Variants in LY86 observed in about 807,000 individuals in gnomAD.
LY86 encodes the protein lymphocyte antigen 86.
In LY86, 20 loss-of-function variants were observed where a neutral mutation model predicts 17.3. The observed-to-expected ratio is 1.15, with a 90% CI of 0.81 to 1.68. LY86 has a LOEUF of 1.68. LY86 is among the 40% of genes most tolerant of loss of function. The probability of loss-of-function intolerance (pLI) is 0.00; values close to 1 mark genes in which losing one functional copy is unlikely to be tolerated. For synonymous variants in LY86, 74 were observed against 70.6 expected, an observed-to-expected ratio of 1.05 and a Z score of -0.24; for missense variants, 200 against 191.9, an observed-to-expected ratio of 1.04 and a Z score of -0.25.
intron 1 of LY86, among the ~76,000 whole-genome samples, chr6:6,623,543 C>T (rs181167370): frequency 1.3e-5 from 2 of 152,210 alleles, no homozygotes; most frequent in East Asian, 1.9e-4. Flanking sequence ...ACATGATTAC[C>T]GAGAGCCCAG....
chr6:6,644,718 T>C (rs1339985793), intron 3 of LY86, among the ~76,000 whole-genome samples: 2 of 152,102 alleles, frequency 1.3e-5, no homozygotes, highest in African/African-American at 4.8e-5. Flanking sequence ...ATTTCTTTAA[T>C]CCACTGCACA....
In LY86 at chr6:6,654,862, A is replaced by C; in HGVS notation, c.*235A>C. On this transcript the variant is annotated 3_prime_UTR_variant, in exon 5 of 5. Coordinates refer to ENST00000230568, the MANE Select transcript of LY86 (RefSeq NM_004271.4). ...TCTAAGGAGCCTCTTGGCAGTCCTT[A>C]AGCAGTCTTGAGGGTCCATCCTTTT... 1 of 516,606 alleles carries C rather than the reference A, an allele frequency of 1.9e-6. No individual in the cohort carries two copies. The highest frequency in any genetic ancestry group is 2.8e-5 in the South Asian group (1 of 35,222). 32.0% of individuals were successfully genotyped at this position (516,606 alleles called of 1,614,324 possible).
At position 6,625,187 on chromosome 6, in the gene LY86, A is replaced by T. The variant is rs2233125; in HGVS notation, c.223+175A>T. On this transcript the variant is annotated intron_variant, in intron 2 of 4. Coordinates refer to ENST00000230568, the MANE Select transcript of LY86 (RefSeq NM_004271.4). ...TCAAATCTTTCTCTGGGTTATATTCAGGTAGGGTAGAACTCTCACTTAAAG... is the reference window on the plus strand; with the variant it reads ...TCAAATCTTTCTCTGGGTTATATTCTGGTAGGGTAGAACTCTCACTTAAAG... Among the ~76,000 whole-genome samples the T allele has an allele frequency of 8.5e-3, 1,293 of 152,300 alleles. 6 individuals are homozygous for T. Among genetic ancestry groups the T allele is most frequent in the Non-Finnish European group, 0.013 (913 of 68,014 alleles).
Position 6,626,301 on chromosome 6 carries a change from A to G in LY86, c.232A>G (p.Ile78Val), listed in dbSNP as rs780576702. 1 of 1,613,924 alleles carries G rather than the reference A, an allele frequency of 6.2e-7. No homozygotes were observed. The highest frequency in any genetic ancestry group is 8.5e-7 in the Non-Finnish European group (1 of 1,179,994). The change falls in exon 3 of 5, where the codon ATC (isoleucine) becomes GTC (valine). Residue 78 changes from isoleucine (I) to valine (V), a missense_variant. By Grantham distance (29) the Ile-to-Val change is conservative. Transcript: ENST00000230568. ...TCTTCTCTTTCCTCCAGGAGAGGAC[A>G]TCAAAGAGCTTTTTCTTGACCTAGC... ...IRFGIILREDIKELFLDLALM... is the reference protein window; with the variant it reads ...IRFGIILREDVKELFLDLALM...
chr6:6,610,298 T>C (rs1187634455), intron 1 of LY86, among the ~76,000 whole-genome samples: 1 of 152,202 alleles, frequency 6.6e-6, no homozygotes, highest in Non-Finnish European at 1.5e-5. Context: ...TTTGTGTAGC[T>C]TCCTATGTCT....
intron 3 of LY86, among the ~76,000 whole-genome samples, chr6:6,639,310 G>A (rs556617224): frequency 6.6e-6 from 1 of 151,760 alleles, no homozygotes; most frequent in Admixed American, 6.5e-5. Flanking sequence ...GGCCCTTTGT[G>A]GTGAGCACAA....
intron 1 of LY86, among the ~76,000 whole-genome samples, 175 bp downstream of exon 1, chr6:6,589,045 G>T (rs565589647): frequency 6.6e-6 from 1 of 152,180 alleles, no homozygotes; most frequent in Non-Finnish European, 1.5e-5. Context: ...AAGAAGGAGC[G>T]GTGGGGCCAG....
At chr6:6,608,008 G>T (rs1373039457) in intron 1 of LY86, among the ~76,000 whole-genome samples, 5 of 152,222 alleles carry the variant, frequency 3.3e-5, no homozygotes, top group African/African-American at 1.2e-4. Context: ...TTAAAAGTTA[G>T]CTGTCTGCTC....
chr6:6,602,110 A>G (rs577916234), intron 1 of LY86, among the ~76,000 whole-genome samples: 1 of 152,324 alleles, frequency 6.6e-6, no homozygotes, highest in Non-Finnish European at 1.5e-5. Flanking sequence ...TCCAGGAAAC[A>G]TCCTTCAGTT....
At chr6:6,599,531 A>G (rs956229023) in intron 1 of LY86, among the ~76,000 whole-genome samples, 8 of 149,602 alleles carry the variant, frequency 5.3e-5, no homozygotes, top group East Asian at 1.9e-4. Flanking sequence ...TGTGAGGCTG[A>G]CTGACTGGTT....
At chr6:6,609,647 A>G (rs988313684) in intron 1 of LY86, among the ~76,000 whole-genome samples, 1 of 152,196 alleles carries the variant, frequency 6.6e-6, no homozygotes, top group Non-Finnish European at 1.5e-5. Context: ...AGCTCTGCCA[A>G]CAGGATTGCT....
intron 3 of LY86, among the ~76,000 whole-genome samples, chr6:6,631,473 T>C (rs1761898703): frequency 6.6e-6 from 1 of 152,194 alleles, no homozygotes; most frequent in Non-Finnish European, 1.5e-5. Context: ...AACAAAATTA[T>C]AGAAATCAAA....
intron 1 of LY86, among the ~76,000 whole-genome samples, chr6:6,612,393 C>T (rs1263056644): frequency 2.0e-5 from 3 of 152,166 alleles, no homozygotes; most frequent in African/African-American, 2.4e-5. Flanking sequence ...TTATTTTCCC[C>T]CAGTGGGTAC....
rs1581247682 is a variant in LY86 at position 6,626,474 on chromosome 6, C to T, written c.352+53C>T. ...GCAGGGGCCTGCAGAGAGATAAACTCGAACTTGCATCTGAGGCCAGGACGC... is the reference window on the plus strand; with the variant it reads ...GCAGGGGCCTGCAGAGAGATAAACTTGAACTTGCATCTGAGGCCAGGACGC... On this transcript the variant is annotated intron_variant, in intron 3 of 4. Coordinates refer to ENST00000230568, the MANE Select transcript of LY86 (RefSeq NM_004271.4). The T allele has an allele frequency of 8.1e-6, 13 of 1,602,084 alleles. No individual in the cohort carries two copies. The East Asian group carries it at 1.8e-4, about 22-fold the overall frequency.
chr6:6,648,866 CCCCTCCCCCACCACA>C (rs1241351822), intron 3 of LY86, among the ~76,000 whole-genome samples: 89 of 152,216 alleles, frequency 5.8e-4, no homozygotes, highest in Non-Finnish European at 9.6e-4. Flanking sequence ...TCCAGCCTGG[CCCCTCCCCCACCACA>C]CCCTCCTGCC....
chr6:6,614,179 C>A (rs1761487794), intron 1 of LY86, among the ~76,000 whole-genome samples: 1 of 152,122 alleles, frequency 6.6e-6, no homozygotes, highest in Non-Finnish European at 1.5e-5. Flanking sequence ...GCACGAAGCA[C>A]ACACAACGCA....
intron 1 of LY86, among the ~76,000 whole-genome samples, chr6:6,619,745 G>A (rs920221370): frequency 1.3e-5 from 2 of 152,208 alleles, no homozygotes; most frequent in Admixed American, 1.3e-4. Context: ...TGAATGTTAA[G>A]ATGTGTTTGA....
At chr6:6,647,435 C>T (rs377568110) in intron 3 of LY86, among the ~76,000 whole-genome samples, 8 of 152,030 alleles carry the variant, frequency 5.3e-5, no homozygotes, top group African/African-American at 1.9e-4. Flanking sequence ...TATAACAAAA[C>T]TCTTAATTCC....
Position 6,614,017 on chromosome 6 carries a change from C to T in LY86, c.137-10909C>T, listed in dbSNP as rs189103882. Among the ~76,000 whole-genome samples the T allele has an allele frequency of 2.8e-4, 42 of 152,358 alleles. 1 individual carries two copies. Among genetic ancestry groups the T allele is most frequent in the Admixed American group, 1.2e-3 (18 of 15,302 alleles). On this transcript the variant is annotated intron_variant, in intron 1 of 4. Transcript: ENST00000230568. ...TTTATTCCTTAGAACCTTCTACTTA[C>T]ATTCCCTAAAAGAATAAGTTGTTAT...
Sources: allele counts gnomAD v4.1 joint callset (sites outside exome capture counted in the v4.1 genomes callset), GRCh38; gene constraint gnomAD v4.1.1; transcripts MANE v1.5; gene names NCBI Gene and HGNC (gene_info 2026-07-23, HGNC 2026-07-21).